The following GLIS3 variants were observed in gnomAD, a reference collection of about 807,000 sequenced individuals.
The protein encoded by GLIS3 is GLIS family zinc finger 3.
In GLIS3, 53 loss-of-function variants were observed where a neutral mutation model predicts 78.6. The ratio of observed to expected loss-of-function variants is 0.67; its 90% CI spans 0.54 to 0.85. GLIS3 has a LOEUF of 0.85. Among genes scored for constraint, GLIS3 ranks in the 40% least tolerant of loss-of-function variants. The pLI, the probability that GLIS3 is intolerant of heterozygous loss-of-function variation, is 0.00. For missense variants in GLIS3, 1,703 were observed against 1,231.1 expected (o/e 1.38, Z -5.74); for synonymous variants, 684 against 509.9 (o/e 1.34, Z -4.60).
At chr9:4,196,526 C>T (rs906167619) in intron 2 of GLIS3, among the ~76,000 whole-genome samples, 4 of 152,170 alleles carry the variant, frequency 2.6e-5, no homozygotes, top group African/African-American at 9.7e-5. Context: ...AGCTTCACTC[C>T]TGAGGCCAGC....
chr9:4,168,163 C>G lies in GLIS3; in HGVS notation c.389-42222G>C, dbSNP rs980426214. 6.4e-4 allele frequency among the ~76,000 whole-genome samples: 97 copies of G among 152,128 alleles called. 1 individual carries two copies. The highest frequency in any genetic ancestry group is 2.3e-3 in the African/African-American group (95 of 41,538). On this transcript the variant is annotated intron_variant, in intron 2 of 10. Transcript: ENST00000381971. ...AGTTGTTGCCTTTCTTATCTTCTCT[C>G]TCTTCTCTCTCTCTTACACACACAC...
chr9:3,919,668 TA>T lies in GLIS3; in HGVS notation c.1983+12691del, dbSNP rs1002232917. On this transcript the variant is annotated intron_variant, in intron 6 of 10. Transcript: ENST00000381971. ...AAAAATAAAAAAAAAAAATTAAAAA[TA>T]AAAAAAAATAATAAAATGAAATGAA... Among the ~76,000 whole-genome samples the T allele has an allele frequency of 7.0e-4, 104 of 148,804 alleles. No homozygotes were observed. In the South Asian group the frequency reaches 0.015, roughly 21 times the overall value.
At chr9:4,364,704 TAC>T in the GLIS3 span, among the ~76,000 whole-genome samples, 1 of 113,270 alleles carries the variant, frequency 8.8e-6, no homozygotes, top group East Asian at 2.5e-4. Context: ...ATATTTTTAT[TAC>T]ACTTTATATA....
rs894899108 is a variant in GLIS3 at position 3,977,408 on chromosome 9, C to A, written c.1711-40219G>T. Among the ~76,000 whole-genome samples, 2 of 152,120 alleles carry A rather than the reference C, an allele frequency of 1.3e-5. No individual in the cohort carries two copies. Among genetic ancestry groups the A allele is most frequent in the African/African-American group, 4.8e-5 (2 of 41,426 alleles). On this transcript the variant is annotated intron_variant, in intron 4 of 10. Coordinates refer to ENST00000381971, the MANE Select transcript of GLIS3 (RefSeq NM_001042413.2). The surrounding 1 kb of genome is among the most constrained non-coding windows in gnomAD (Gnocchi z 4.1). ...GACACATTTAATTTATTTTGGAGAACTGAGGTTGATATCCACTAGTGCTAT... is the reference window on the plus strand; with the variant it reads ...GACACATTTAATTTATTTTGGAGAAATGAGGTTGATATCCACTAGTGCTAT...
At chr9:4,210,769 G>A (rs1036864723) in intron 2 of GLIS3, among the ~76,000 whole-genome samples, 1 of 152,240 alleles carries the variant, frequency 6.6e-6, no homozygotes, top group Non-Finnish European at 1.5e-5. Flanking sequence ...AGCTTCACCT[G>A]CTAGAGCCAG....
At chr9:3,958,882 C>T (rs1009923301) in intron 4 of GLIS3, among the ~76,000 whole-genome samples, 16 of 152,184 alleles carry the variant, frequency 1.1e-4, no homozygotes, top group African/African-American at 2.9e-4. Flanking sequence ...AAACAGACAA[C>T]GTGCTGTCGG....
chr9:4,256,283 T>G (rs1824932157), intron 2 of GLIS3, among the ~76,000 whole-genome samples: 1 of 152,186 alleles, frequency 6.6e-6, no homozygotes, highest in Admixed American at 6.5e-5. Context: ...TATCATACCA[T>G]TCAGCAAATT....
chr9:4,043,651 A>T (rs1588522585), intron 4 of GLIS3, among the ~76,000 whole-genome samples: 1 of 152,064 alleles, frequency 6.6e-6, no homozygotes, highest in African/African-American at 2.4e-5. Flanking sequence ...TCCCAGGAAA[A>T]CCTTCTTCTC....
intron 4 of GLIS3, among the ~76,000 whole-genome samples, chr9:4,066,324 G>A (rs960081791): frequency 6.6e-5 from 10 of 152,142 alleles, no homozygotes; most frequent in Non-Finnish European, 1.0e-4. Context: ...CAGGCAGGGA[G>A]GCACCGTGGG....
At chr9:4,399,452 T>A in the GLIS3 span, among the ~76,000 whole-genome samples, 5 of 152,210 alleles carry the variant, frequency 3.3e-5, no homozygotes, top group Non-Finnish European at 5.9e-5. Flanking sequence ...ATGAGGAAAC[T>A]AAGGCTTATG....
chr9:4,484,950 C>G, the GLIS3 span, among the ~76,000 whole-genome samples: 2 of 147,916 alleles, frequency 1.4e-5, no homozygotes, highest in Non-Finnish European at 3.0e-5. Context: ...CTCCAATTTA[C>G]TCCTGTAGAT....
chr9:4,404,941 T>C, the GLIS3 span, among the ~76,000 whole-genome samples: 1 of 151,930 alleles, frequency 6.6e-6, no homozygotes, highest in Non-Finnish European at 1.5e-5. Context: ...AGTTAATATT[T>C]TGAAAAGATA....
chr9:4,207,084 A>G (rs1373612992), intron 2 of GLIS3, among the ~76,000 whole-genome samples: 3 of 152,204 alleles, frequency 2.0e-5, no homozygotes, highest in Non-Finnish European at 4.4e-5. Context: ...AAGGCAACAC[A>G]TTCATCCCTA....
rs754664126 is a variant in GLIS3, at chr9:4,118,288, T to C, written c.1190A>G (p.Gln397Arg). 6.3e-6 allele frequency: 10 copies of C among 1,583,640 alleles called. No homozygotes were observed. The highest frequency in any genetic ancestry group is 7.7e-6 in the Non-Finnish European group (9 of 1,166,312). The stretch of plus-strand genomic sequence containing the variant: ...TGGCTGCAGGCCGCCGTGCTCCAGC[T>C]GTTGCATGCGCTCGTGCTCCAGGGC... The part of the protein sequence containing the change: ...DGALEHERMQ[Q>R]LEHGGLQPGL... The change falls in exon 4 of 11, where the codon CAG becomes CGG. Residue 397 changes from glutamine (Q) to arginine (R), a missense_variant. Gln to Arg is a conservative substitution (Grantham distance 43). Coordinates refer to ENST00000381971, the MANE Select transcript of GLIS3 (RefSeq NM_001042413.2). This position sits in a 1 kb window ranked among gnomAD's most constrained non-coding sequence, Gnocchi z 4.7.
chr9:4,183,200 G>A (rs1016081385), intron 2 of GLIS3, among the ~76,000 whole-genome samples: 5 of 152,186 alleles, frequency 3.3e-5, no homozygotes, highest in Non-Finnish European at 7.3e-5. Flanking sequence ...CTGAAGCCAG[G>A]TGGTAGATAT....
intron 2 of GLIS3, among the ~76,000 whole-genome samples, chr9:4,174,551 A>T (rs559792217): frequency 2.0e-5 from 3 of 152,256 alleles, no homozygotes; most frequent in Admixed American, 1.3e-4. Flanking sequence ...GCAAAAAATG[A>T]TTCCTATATA....
intron 8 of GLIS3, among the ~76,000 whole-genome samples, chr9:3,863,868 C>T (rs896921608): frequency 3.3e-5 from 5 of 152,006 alleles, no homozygotes; most frequent in Admixed American, 2.6e-4. Flanking sequence ...GGACCCACAG[C>T]ATTGCAGTGT....
At chr9:4,136,991 G>A (rs1227048157) in intron 2 of GLIS3, among the ~76,000 whole-genome samples, 3 of 152,104 alleles carry the variant, frequency 2.0e-5, no homozygotes, top group Admixed American at 6.6e-5. Flanking sequence ...AGGTAGTGGC[G>A]CATCCCATTA....
chr9:4,238,623 C>G (rs1348019996), intron 2 of GLIS3, among the ~76,000 whole-genome samples: 1 of 152,188 alleles, frequency 6.6e-6, no homozygotes, highest in Non-Finnish European at 1.5e-5. Flanking sequence ...CCAGTGTTCT[C>G]TCAGTTCTTC....
Sources: gnomAD v4.1 joint callset for allele counts (sites outside exome capture counted in the v4.1 genomes callset) on GRCh38, gnomAD v4.1.1 for gene constraint, Gnocchi (gnomAD v3.1) non-coding constraint, MANE v1.5 for transcripts, NCBI Gene and HGNC (gene_info 2026-07-23, HGNC 2026-07-21) for gene names.